The following MEF2C variants were observed in gnomAD, a reference collection of about 807,000 sequenced individuals.
MEF2C encodes myocyte-specific enhancer factor 2C.
MEF2C carries 6 observed loss-of-function variants against 50.5 expected under a neutral mutation model. The ratio of observed to expected loss-of-function variants is 0.12; its 90% CI spans 0.07 to 0.23. The LOEUF (loss-of-function observed/expected upper bound fraction) is 0.23. Among genes scored for constraint, MEF2C ranks in the 10% least tolerant of loss-of-function variants. The probability of loss-of-function intolerance (pLI) is 1.00; values close to 1 mark genes in which losing one functional copy is unlikely to be tolerated. For missense variants in MEF2C, 276 were observed against 605.0 expected, an observed-to-expected ratio of 0.46 and a Z score of 5.70; for synonymous variants, 183 against 228.0, an observed-to-expected ratio of 0.80 and a Z score of 1.78.
intron 1 of MEF2C, among the ~76,000 whole-genome samples, chr5:88,842,716 G>A (rs912842023): frequency 6.6e-6 from 1 of 152,076 alleles, no homozygotes; most frequent in African/African-American, 2.4e-5. Flanking sequence ...TGAGATAAAG[G>A]AGAAAACCCC....
chr5:88,839,006 C>T (rs1037708086), intron 1 of MEF2C, among the ~76,000 whole-genome samples: 2 of 151,938 alleles, frequency 1.3e-5, no homozygotes, highest in Non-Finnish European at 2.9e-5. Flanking sequence ...ACATAATTGG[C>T]GATATATTTA....
intron 3 of MEF2C, among the ~76,000 whole-genome samples, chr5:88,775,449 A>G (rs1028374961): frequency 2.6e-5 from 4 of 152,208 alleles, no homozygotes; most frequent in Non-Finnish European, 4.4e-5. Context: ...TTTCTAGGTT[A>G]AATACTTACA....
rs781058204 is a variant in MEF2C at position 88,731,915 on chromosome 5, A to C, written c.638-14T>G. On this transcript the variant is annotated splice_polypyrimidine_tract_variant and intron_variant, in intron 6 of 10. Transcript: ENST00000504921. ...CATACCCGTTCCCTGTTAACAAAAA[A>C]CAATAAAGCATTTAGGAAGAAATCT... 1 of 1,600,094 alleles carries C rather than the reference A, an allele frequency of 6.2e-7. No homozygotes were observed. The highest frequency in any genetic ancestry group is 1.1e-5 in the South Asian group (1 of 89,216).
chr5:88,871,460 T>C (rs1829502442), intron 1 of MEF2C, among the ~76,000 whole-genome samples: 1 of 152,012 alleles, frequency 6.6e-6, no homozygotes, highest in African/African-American at 2.4e-5. Context: ...AAGTATTCCT[T>C]GTGCTGAGCA....
chr5:88,726,317 G>C (rs1017115873), intron 10 of MEF2C, among the ~76,000 whole-genome samples: 28 of 152,160 alleles, frequency 1.8e-4, no homozygotes, highest in African/African-American at 6.3e-4. Context: ...CCTGGAAAAT[G>C]TATCAATTCT....
rs2152673396 is a variant in MEF2C, at chr5:88,761,212, A to C, written c.375T>G (p.Asp125Glu). ...DKYRKINEDI[D>E]LMISRQRLCA... Reference sequence around the variant, plus strand: ...ACAATCTTTGCCTGCTGATCATTAGATCAATATCTTCGTTAATTTTCCTGT... The same window carrying C: ...ACAATCTTTGCCTGCTGATCATTAGCTCAATATCTTCGTTAATTTTCCTGT... Residue 125 changes from aspartate to glutamate, a missense_variant, in exon 4 of 11, where the codon GAT becomes GAG. This residue lies in a region of MEF2C where 256 missense variants were observed against 468.1 expected (regional missense o/e 0.55). Transcript: ENST00000504921. 1 of 1,613,974 alleles carries C rather than the reference A, an allele frequency of 6.2e-7. No homozygotes were observed. The highest frequency in any genetic ancestry group is 8.5e-7 in the Non-Finnish European group (1 of 1,179,900).
In MEF2C at chr5:88,899,537, A is replaced by G. The variant is rs373046735; in HGVS notation, c.-240+4379T>C. Among the ~76,000 whole-genome samples, 5 of 152,180 alleles carry G rather than the reference A, an allele frequency of 3.3e-5. No individual in the cohort carries two copies. The East Asian group carries it at 7.7e-4, about 23-fold the overall frequency. ...AGTCACAAAATGACTTTGCAGTGAA[A>G]CAGAGAGTCTAACTCAAATCTTCCT... On this transcript the variant is annotated intron_variant, in intron 1 of 11. Coordinates refer to the MEF2C transcript ENST00000340208.
chr5:88,769,648 A>AGTT (rs201294184), intron 3 of MEF2C, among the ~76,000 whole-genome samples: 1,668 of 152,230 alleles, frequency 0.011, 19 homozygotes, highest in South Asian at 0.023. Flanking sequence ...CTATAGCTAT[A>AGTT]GTTGTTGTTG....
chr5:88,869,120 A>G (rs1271734538), intron 1 of MEF2C, among the ~76,000 whole-genome samples: 1 of 151,602 alleles, frequency 6.6e-6, no homozygotes, highest in East Asian at 1.9e-4. Flanking sequence ...CTATAATGGC[A>G]AAGTTGTTTC....
Position 88,869,294 on chromosome 5 carries a change from T to C in MEF2C, c.-143+13661A>G, listed in dbSNP as rs868315149. On this transcript the variant is annotated intron_variant, in intron 1 of 10. Transcript: ENST00000504921. ...ATATATATACATATATATATATATA[T>C]ACACATATATATATATATATACACA... is the stretch of plus-strand genomic sequence containing the variant. Among the ~76,000 whole-genome samples, 457 of 112,832 alleles carry C rather than the reference T, an allele frequency of 4.1e-3. 7 individuals carry two copies. The highest frequency in any genetic ancestry group is 0.013 in the African/African-American group (377 of 28,232). The allele number at this position is 112,832 out of a possible 152,430, so 74.0% of individuals were successfully genotyped here.
At chr5:88,821,654 G>C (rs1808414264) in intron 2 of MEF2C, among the ~76,000 whole-genome samples, 3 of 151,720 alleles carry the variant, frequency 2.0e-5, no homozygotes. Context: ...GGCACAGAAG[G>C]ACACATTTTG....
chr5:88,818,583 G>C (rs1361089028), intron 2 of MEF2C, among the ~76,000 whole-genome samples: 2 of 151,962 alleles, frequency 1.3e-5, no homozygotes, highest in African/African-American at 4.8e-5. Flanking sequence ...GGTCCCACAA[G>C]CATAACATTT....
upstream of MEF2C, chr5:88,884,262 C>A (rs1027338121): frequency 2.0e-5 from 3 of 152,206 alleles, no homozygotes; most frequent in Admixed American, 2.0e-4. Context: ...TGTGACTTTT[C>A]CCCCTTTTGG....
intron 1 of MEF2C, among the ~76,000 whole-genome samples, chr5:88,836,790 T>TA (rs1289829704): frequency 1.3e-5 from 2 of 151,994 alleles, no homozygotes; most frequent in East Asian, 1.9e-4. Context: ...GCTTCCCCTG[T>TA]AAAAAAGATC....
intron 7 of MEF2C, 133 bp downstream of exon 7, chr5:88,731,593 AAGG>A (rs1208141303): frequency 1.3e-6 from 1 of 783,284 alleles, no homozygotes; most frequent in Non-Finnish European, 2.1e-6. Flanking sequence ...AAATACAAGC[AAGG>A]CTCTGTCAAT....
intron 1 of MEF2C, among the ~76,000 whole-genome samples, chr5:88,830,098 T>A (rs1260947636): frequency 1.3e-5 from 2 of 152,054 alleles, no homozygotes; most frequent in African/African-American, 4.8e-5. Context: ...TCATTTATCC[T>A]GTAACAATAA....
intron 6 of MEF2C, chr5:88,746,402 ATTTAC>A (rs910635370): frequency 3.2e-5 from 18 of 557,080 alleles, no homozygotes; most frequent in Non-Finnish European, 3.6e-5. Flanking sequence ...TAAATGTTCA[ATTTAC>A]TTCCTTGCCT....
chr5:88,735,411 C>A, intron 6 of MEF2C: 3 of 985,176 alleles, frequency 3.0e-6, no homozygotes, highest in South Asian at 9.4e-5. Flanking sequence ...TGACTGTATG[C>A]AGATGTCACA....
chr5:88,879,933 G>A (rs948142413), intron 1 of MEF2C, among the ~76,000 whole-genome samples: 1 of 151,830 alleles, frequency 6.6e-6, no homozygotes, highest in Non-Finnish European at 1.5e-5. Flanking sequence ...TCTGCCTTTT[G>A]TAACGTGCAT....
Sources: gnomAD v4.1 joint callset for allele counts (sites outside exome capture counted in the v4.1 genomes callset) on GRCh38, gnomAD v4.1.1 for gene constraint, gnomAD v4.1.1 regional missense constraint, MANE v1.5 for transcripts, NCBI Gene and HGNC (gene_info 2026-07-23, HGNC 2026-07-21) for gene names.